The following ADCY8 variants were observed in gnomAD, a reference collection of about 807,000 sequenced individuals.
The protein encoded by ADCY8 is adenylate cyclase type 8.
In ADCY8, 51 loss-of-function variants were observed where a neutral mutation model predicts 119.7. The ratio of observed to expected loss-of-function variants is 0.43; its 90% CI spans 0.34 to 0.54. The LOEUF is 0.54. ADCY8 is among the 20% of genes least tolerant of loss of function. The pLI, the probability that ADCY8 is intolerant of heterozygous loss-of-function variation, is 0.03. For synonymous variants in ADCY8, 665 were observed against 651.0 expected (o/e 1.02, Z -0.33); for missense variants, 1,383 against 1,598.8 (o/e 0.87, Z 2.30).
At chr8:130,937,659 A>T (rs1277772620) in intron 4 of ADCY8, among the ~76,000 whole-genome samples, 1 of 152,142 alleles carries the variant, frequency 6.6e-6, no homozygotes, top group East Asian at 1.9e-4. Context: ...TATTACTTCA[A>T]CTCTATAAAG....
intron 2 of ADCY8, among the ~76,000 whole-genome samples, chr8:130,958,375 G>T (rs192339831): frequency 2.6e-5 from 4 of 152,040 alleles, no homozygotes; most frequent in East Asian, 1.9e-4. Context: ...TTACCCTCTC[G>T]TGGAGACCTC....
intron 1 of ADCY8, among the ~76,000 whole-genome samples, chr8:130,996,885 T>C (rs1586641495): frequency 6.6e-6 from 1 of 152,176 alleles, no homozygotes; most frequent in African/African-American, 2.4e-5. Flanking sequence ...ATTGGCAACA[T>C]GTTGCAAAAT....
intron 3 of ADCY8, 94 bp downstream of exon 3, chr8:130,951,774 C>T (rs893036924): frequency 1.4e-5 from 21 of 1,492,662 alleles, no homozygotes; most frequent in Non-Finnish European, 1.9e-5. Context: ...AAGGTGCTGA[C>T]ATTCAAGCAG....
chr8:130,958,837 T>G (rs1821513837), intron 2 of ADCY8, among the ~76,000 whole-genome samples: 1 of 152,212 alleles, frequency 6.6e-6, no homozygotes, highest in Non-Finnish European at 1.5e-5. Flanking sequence ...TTCTTAGGAC[T>G]CAATATTTTT....
intron 2 of ADCY8, among the ~76,000 whole-genome samples, chr8:130,953,529 G>C (rs765420107): frequency 1.3e-5 from 2 of 152,142 alleles, no homozygotes; most frequent in Non-Finnish European, 2.9e-5. Context: ...CCTTTCCCTT[G>C]TTATTCCTAG....
At chr8:130,806,141 T>C (rs1345957150) in intron 14 of ADCY8, among the ~76,000 whole-genome samples, 1 of 152,138 alleles carries the variant, frequency 6.6e-6, no homozygotes, top group Non-Finnish European at 1.5e-5. Flanking sequence ...CACATGACTC[T>C]GGGCAAGTGA....
intron 5 of ADCY8, among the ~76,000 whole-genome samples, chr8:130,922,171 TCTC>T (rs1820328447): frequency 6.6e-6 from 1 of 152,002 alleles, no homozygotes; most frequent in South Asian, 2.1e-4. Flanking sequence ...GCCTTGGACT[TCTC>T]AGCCTCTAGA....
At chr8:130,941,734 G>A (rs1820963609) in intron 4 of ADCY8, among the ~76,000 whole-genome samples, 1 of 152,110 alleles carries the variant, frequency 6.6e-6, no homozygotes. Flanking sequence ...GTCCCTGCCT[G>A]TCTTTCTAGC....
At chr8:130,973,407 G>A (rs149898644) in intron 2 of ADCY8, among the ~76,000 whole-genome samples, 118 of 152,294 alleles carry the variant, frequency 7.7e-4, no homozygotes, top group South Asian at 2.9e-3. Context: ...GCTTGGAACC[G>A]TGAGACAACT....
chr8:130,844,923 G>C (rs767837500), intron 11 of ADCY8, among the ~76,000 whole-genome samples: 1 of 152,120 alleles, frequency 6.6e-6, no homozygotes, highest in East Asian at 1.9e-4. Context: ...ACAGTGGTTC[G>C]GGTATGTACA....
chr8:130,938,001 T>C (rs1820839487), intron 4 of ADCY8, among the ~76,000 whole-genome samples: 1 of 152,108 alleles, frequency 6.6e-6, no homozygotes, highest in Non-Finnish European at 1.5e-5. Flanking sequence ...ACAACAAGCA[T>C]TAAGAAAATA....
intron 14 of ADCY8, among the ~76,000 whole-genome samples, chr8:130,803,518 C>T (rs1056713759): frequency 2.6e-5 from 4 of 152,164 alleles, no homozygotes; most frequent in Non-Finnish European, 4.4e-5. Context: ...ACAGTCTGGT[C>T]CAAGGTAAAT....
At chr8:130,909,017 A>T (rs1163503385) in intron 6 of ADCY8, among the ~76,000 whole-genome samples, 1 of 97,482 alleles carries the variant, frequency 1.0e-5, no homozygotes, top group Non-Finnish European at 2.6e-5. Flanking sequence ...CTCTTTCTCT[A>T]TCTCCATCCA....
chr8:130,930,718 A>C (rs1023540651), intron 5 of ADCY8, among the ~76,000 whole-genome samples: 1 of 151,956 alleles, frequency 6.6e-6, no homozygotes, highest in Admixed American at 6.6e-5. Flanking sequence ...TCTCTCCAGC[A>C]TTTTCTATTT....
At chr8:130,878,212 C>G (rs1818638245) in intron 8 of ADCY8, among the ~76,000 whole-genome samples, 1 of 152,142 alleles carries the variant, frequency 6.6e-6, no homozygotes, top group Non-Finnish European at 1.5e-5. Flanking sequence ...CTCTGTCTTT[C>G]AACGAAGACT....
chr8:130,900,261 A>G (rs1819551489), intron 7 of ADCY8, among the ~76,000 whole-genome samples: 1 of 152,232 alleles, frequency 6.6e-6, no homozygotes, highest in Non-Finnish European at 1.5e-5. Flanking sequence ...AAGACACAGC[A>G]TCAAAACCAA....
intron 16 of ADCY8, among the ~76,000 whole-genome samples, chr8:130,785,026 T>C (rs1024522676): frequency 2.6e-5 from 4 of 152,208 alleles, no homozygotes; most frequent in Non-Finnish European, 5.9e-5. Context: ...ATTATTATGA[T>C]GTAAGACTTT....
intron 11 of ADCY8, among the ~76,000 whole-genome samples, chr8:130,846,568 C>A (rs1262932059): frequency 1.6e-5 from 2 of 128,018 alleles, no homozygotes; most frequent in Non-Finnish European, 3.2e-5. Context: ...TCCTTCCTTC[C>A]TTCCCCTTCT....
At chr8:130,940,512 A>G (rs577196970) in intron 4 of ADCY8, among the ~76,000 whole-genome samples, 1 of 151,880 alleles carries the variant, frequency 6.6e-6, no homozygotes, top group African/African-American at 2.4e-5. Context: ...ATTATTTTAT[A>G]CAAAAAAATA....
Sources: gnomAD v4.1 joint callset for allele counts (sites outside exome capture counted in the v4.1 genomes callset) on GRCh38, gnomAD v4.1.1 for gene constraint, MANE v1.5 for transcripts, NCBI Gene and HGNC (gene_info 2026-07-23, HGNC 2026-07-21) for gene names.